Variants in GABBR1 observed in about 807,000 individuals in gnomAD.
GABBR1 encodes gamma-aminobutyric acid type B receptor subunit 1.
Under a neutral mutation model 117.7 loss-of-function variants are expected in GABBR1, and 35 were observed. That is an observed-to-expected ratio of 0.30 (90% confidence interval 0.23 to 0.39). The LOEUF (loss-of-function observed/expected upper bound fraction) is 0.39, where lower values mean the gene tolerates loss of function less well. Ranked by LOEUF, GABBR1 falls within the 10% of genes least tolerant of loss-of-function variation. GABBR1 has a pLI of 1.00. For synonymous variants in GABBR1, 442 were observed against 486.6 expected (o/e 0.91, Z 1.21); for missense variants, 709 against 1,241.8 (o/e 0.57, Z 6.45).
intron 4 of GABBR1, 104 bp from the exon 5 acceptor site, chr6:29,629,211 G>C: frequency 7.5e-7 from 1 of 1,334,218 alleles, no homozygotes; most frequent in Non-Finnish European, 1.1e-6. Flanking sequence ...CTGAAGACCG[G>C]GGAGAGCAGA....
intron 11 of GABBR1, among the ~76,000 whole-genome samples, chr6:29,617,301 C>CTTTTTTTTTTTTTTTTTT (rs373993426): frequency 1.0e-4 from 12 of 119,866 alleles, no homozygotes; most frequent in African/African-American, 1.3e-4. Flanking sequence ...TTCTTTCTTT[C>CTTTTTTTTTTTTTTTTTT]TTTTTTTTTT....
intron 11 of GABBR1, among the ~76,000 whole-genome samples, chr6:29,617,340 T>C (rs1763255600): frequency 6.7e-6 from 1 of 148,260 alleles, no homozygotes; most frequent in Admixed American, 6.8e-5. Flanking sequence ...TCTTGCTCTG[T>C]TGCCAGGCTG....
At position 29,613,110 on chromosome 6, in the gene GABBR1, T is replaced by C. The variant is rs1286567711; in HGVS notation, c.1566+133A>G. On this transcript the variant is annotated intron_variant, in intron 12 of 22. Transcript: ENST00000377034. The surrounding 1 kb of genome is among the most constrained non-coding windows in gnomAD (Gnocchi z 4.1). ...GTTCTTCTAATTTGAAGGTCCCTACTTCTCTGGTCGGAGACTGATTCTGCA... is the reference window on the plus strand; with the variant it reads ...GTTCTTCTAATTTGAAGGTCCCTACCTCTCTGGTCGGAGACTGATTCTGCA... 1.0e-6 allele frequency: 1 copy of C among 989,814 alleles called. No individual in the cohort carries two copies. Among genetic ancestry groups the C allele is most frequent in the African/African-American group, 1.6e-5 (1 of 61,562 alleles). 61.3% of individuals were successfully genotyped at this position (989,814 alleles called of 1,614,324 possible).
rs1245863092 is a variant in GABBR1 at position 29,604,035 on chromosome 6, A to C, written c.2713-319T>G. Among the ~76,000 whole-genome samples the C allele has an allele frequency of 6.6e-6, 1 of 152,158 alleles. No individual in the cohort carries two copies. Among genetic ancestry groups the C allele is most frequent in the Non-Finnish European group, 1.5e-5 (1 of 68,028 alleles). On this transcript the variant is annotated intron_variant, in intron 22 of 22. Coordinates refer to ENST00000377034, the MANE Select transcript of GABBR1 (RefSeq NM_001470.4). The surrounding 1 kb of genome is among the most constrained non-coding windows in gnomAD (Gnocchi z 5.3). ...ATAAATCAGAGAGATGTGTCAACCC[A>C]GTTGGAACATCCCTCTCTTTGGCAT... is the stretch of plus-strand genomic sequence containing the variant.
rs146103229 is a variant in GABBR1 at position 29,607,159 on chromosome 6, C to T, written c.2052G>A (p.Lys684=). 88 of 1,614,162 alleles carry T rather than the reference C, an allele frequency of 5.5e-5. No individual in the cohort carries two copies. The African/African-American group carries it at 1.1e-3, about 20-fold the overall frequency. The change falls in exon 17 of 23, where the codon AAG becomes AAA. Residue 684 remains lysine, a synonymous_variant. Coordinates refer to ENST00000377034, the MANE Select transcript of GABBR1 (RefSeq NM_001470.4). This position sits in a 1 kb window ranked among gnomAD's most constrained non-coding sequence, Gnocchi z 5.0. ...FSLGYGSMFT[K]IWWVHTVFTK... ...TGAAGACCGTGTGGACCCACCAAAT[C>T]TTGGTGAACATGGAACCGTAGCCCA...
At position 29,621,617 on chromosome 6, in the gene GABBR1, A is replaced by C. The variant is rs1763754829; in HGVS notation, c.1131+135T>G. 2 of 768,508 alleles carry C rather than the reference A, an allele frequency of 2.6e-6. No homozygotes were observed. Among genetic ancestry groups the C allele is most frequent in the African/African-American group, 1.8e-5 (1 of 56,574 alleles). The allele number at this position is 768,508 out of a possible 1,614,324, so 47.6% of individuals were successfully genotyped here. ...GACAAGGGATGCAGTCAGAGCCAACAGACAGAGACATCCTATGAATCGTCA... is the reference window on the plus strand; with the variant it reads ...GACAAGGGATGCAGTCAGAGCCAACCGACAGAGACATCCTATGAATCGTCA... On this transcript the variant is annotated intron_variant, in intron 10 of 22. Transcript: ENST00000377034. The surrounding 1 kb of genome is among the most constrained non-coding windows in gnomAD (Gnocchi z 5.0).
intron 11 of GABBR1, among the ~76,000 whole-genome samples, chr6:29,616,790 G>T (rs1208770580): frequency 6.7e-6 from 1 of 149,902 alleles, no homozygotes; most frequent in Non-Finnish European, 1.5e-5. Context: ...GGAGGTCAAG[G>T]CTGCAGCGAT....
At chr6:29,614,505 A>C (rs1762861638) in intron 11 of GABBR1, among the ~76,000 whole-genome samples, 4 of 152,198 alleles carry the variant, frequency 2.6e-5, no homozygotes, top group Admixed American at 2.6e-4. Flanking sequence ...CTTTCTAGAG[A>C]GATAGAGGAG....
At chr6:29,618,019 T>G (rs1168019384) in intron 11 of GABBR1, among the ~76,000 whole-genome samples, 3 of 152,214 alleles carry the variant, frequency 2.0e-5, no homozygotes, top group African/African-American at 7.2e-5. Context: ...AGTTATACTA[T>G]TAATGAGTAG....
At chr6:29,614,981 C>CAA (rs202165362) in intron 11 of GABBR1, among the ~76,000 whole-genome samples, 4,071 of 79,594 alleles carry the variant, frequency 0.051, 221 homozygotes, top group African/African-American at 0.12. Flanking sequence ...TAAAACTGCT[C>CAA]AAAAAAAAAA....
rs888331217 is a variant in GABBR1, at chr6:29,624,070, C to T, written c.658-46G>A. ...AGGGCAAGCTCTCCTGGGGCCCCTC[C>T]CCTGTCTGCAATTCCTGCTCTTATC... On this transcript the variant is annotated intron_variant, in intron 6 of 22. Transcript: ENST00000377034. The T allele has an allele frequency of 6.5e-6, 10 of 1,533,158 alleles. No homozygotes were observed. The African/African-American group carries it at 1.4e-4, about 21-fold the overall frequency. The allele number at this position is 1,533,158 out of a possible 1,614,324, so 95.0% of individuals were successfully genotyped here.
chr6:29,612,125 C>G (rs954500319), intron 13 of GABBR1, among the ~76,000 whole-genome samples: 2 of 152,110 alleles, frequency 1.3e-5, no homozygotes, highest in African/African-American at 4.8e-5. Context: ...CCTCAGCCTC[C>G]CAAGTAGCTG....
Position 29,621,208 on chromosome 6 carries a change from G to A in GABBR1, c.1216C>T (p.Pro406Ser). 2 of 1,613,008 alleles carry A rather than the reference G, an allele frequency of 1.2e-6. No homozygotes were observed. Among genetic ancestry groups the A allele is most frequent in the Non-Finnish European group, 1.7e-6 (2 of 1,179,968 alleles). ...TCATCCACTGTGCAGTTGATAGAAG[G>A]GTCGTAGATCTTGAACCAATTGTCA... ...YADNWFKIYDPSINCTVDEMT... is the reference protein window; with the variant it reads ...YADNWFKIYDSSINCTVDEMT... The change falls in exon 11 of 23, where the codon CCT becomes TCT. Residue 406 changes from proline to serine, a missense_variant. Physicochemically the swap from Pro to Ser is moderately conservative, Grantham distance 74. Transcript: ENST00000377034. This position sits in a 1 kb window ranked among gnomAD's most constrained non-coding sequence, Gnocchi z 5.0.
At position 29,632,657 on chromosome 6, in the gene GABBR1, C is replaced by A; in HGVS notation, c.-1+193G>T. The A allele has an allele frequency of 1.4e-6, 2 of 1,455,526 alleles. No individual in the cohort carries two copies. Among genetic ancestry groups the A allele is most frequent in the Non-Finnish European group, 1.8e-6 (2 of 1,101,276 alleles). The allele number at this position is 1,455,526 out of a possible 1,614,324, so 90.2% of individuals were successfully genotyped here. A position where few individuals can be genotyped will look rare whatever the true frequency, so the allele number is the denominator to read the frequency against. On this transcript the variant is annotated intron_variant, in intron 1 of 22. Coordinates refer to ENST00000377034, the MANE Select transcript of GABBR1 (RefSeq NM_001470.4). This position sits in a 1 kb window ranked among gnomAD's most constrained non-coding sequence, Gnocchi z 5.8. ...TCACCACCTCCTCTCCCCCGGCCCC[C>A]GCGGCTCGCAGAAGCCTGGCTTACC...
intron 5 of GABBR1, 109 bp downstream of exon 5, chr6:29,628,978 T>TG (rs1764673373): frequency 1.5e-6 from 2 of 1,306,988 alleles, no homozygotes; most frequent in Admixed American, 1.7e-5. Context: ...TTGGGGAAGG[T>TG]GCGAAAGGAC....
chr6:29,610,787 TA>T (rs1762459859), intron 14 of GABBR1, 136 bp downstream of exon 14: 1 of 703,546 alleles, frequency 1.4e-6, no homozygotes. Context: ...CACTCTCACT[TA>T]ACCCTTTCTC....
At chr6:29,624,296 A>C in intron 6 of GABBR1, 1 of 299,422 alleles carries the variant, frequency 3.3e-6, no homozygotes, top group Non-Finnish European at 6.3e-6. Context: ...ATACCACCTT[A>C]CCTCCTTTCA....
chr6:29,631,468 C>T lies in GABBR1; in HGVS notation c.217G>A (p.Val73Met). 1.2e-6 allele frequency: 2 copies of T among 1,614,150 alleles called. No individual in the cohort carries two copies. The highest frequency in any genetic ancestry group is 1.7e-6 in the Non-Finnish European group (2 of 1,180,038). The change falls in exon 3 of 23, where the codon GTG becomes ATG. Residue 73 changes from valine (V) to methionine (M), a missense_variant. Coordinates refer to ENST00000377034, the MANE Select transcript of GABBR1 (RefSeq NM_001470.4). This position sits in a 1 kb window ranked among gnomAD's most constrained non-coding sequence, Gnocchi z 5.9. Reference sequence around the variant, plus strand: ...CACTTGCGGACCTTGGGCCCCACCACCTCGCGCTCCCCCCGGCACACATAC... The same window carrying T: ...CACTTGCGGACCTTGGGCCCCACCATCTCGCGCTCCCCCCGGCACACATAC... ...IEYVCRGEREVVGPKVRKCLA... is the reference protein window; with the variant it reads ...IEYVCRGEREMVGPKVRKCLA...
At chr6:29,603,835 G>T in intron 22 of GABBR1, 119 bp from the exon 23 acceptor site, 1 of 627,268 alleles carries the variant, frequency 1.6e-6, no homozygotes, top group Non-Finnish European at 2.5e-6. Flanking sequence ...AATGTAGGGG[G>T]AGGACGTAGG....
Sources: allele counts gnomAD v4.1 joint callset (sites outside exome capture counted in the v4.1 genomes callset), GRCh38; gene constraint gnomAD v4.1.1; non-coding constraint Gnocchi (gnomAD v3.1); transcripts MANE v1.5; gene names NCBI Gene and HGNC (gene_info 2026-07-23, HGNC 2026-07-21).